The following SPTBN1 variants were observed in gnomAD, a reference collection of about 807,000 sequenced individuals.
The protein encoded by SPTBN1 is spectrin beta, non-erythrocytic 1.
Under a neutral mutation model 266.4 loss-of-function variants are expected in SPTBN1, and 32 were observed. That is an observed-to-expected ratio of 0.12 (90% CI 0.09 to 0.16). SPTBN1 has a LOEUF of 0.16. Ranked by LOEUF, SPTBN1 falls within the 10% of genes least tolerant of loss-of-function variation. SPTBN1 has a pLI of 1.00. For missense variants in SPTBN1, 2,296 were observed against 3,067.1 expected (o/e 0.75, Z 5.94); for synonymous variants, 1,336 against 1,162.2 (o/e 1.15, Z -3.04).
chr2:54,662,618 C>G (rs1378848274), intron 32 of SPTBN1: 1 of 152,340 alleles, frequency 6.6e-6, no homozygotes, highest in Middle Eastern at 3.2e-3. Context: ...TCTCTCTGGA[C>G]TCACACCTGG....
At chr2:54,623,376 C>A in intron 9 of SPTBN1, 103 bp from the exon 10 acceptor site, 1 of 965,906 alleles carries the variant, frequency 1.0e-6, no homozygotes, top group Non-Finnish European at 1.6e-6. Context: ...CTTTGACATG[C>A]ATTTCATGTA....
rs988440885 is a variant in SPTBN1, at chr2:54,554,343, C to T, written c.148+27777C>T. On this transcript the variant is annotated intron_variant, in intron 2 of 35. Coordinates refer to ENST00000356805, the MANE Select transcript of SPTBN1 (RefSeq NM_003128.3). This position sits in a 1 kb window ranked among gnomAD's most constrained non-coding sequence, Gnocchi z 4.5. Reference sequence around the variant, plus strand: ...GGCAAGGCACTGTATTTCTGTGAACCTCAGCTACCTTGGTTGCAAAATGGT... The same window carrying T: ...GGCAAGGCACTGTATTTCTGTGAACTTCAGCTACCTTGGTTGCAAAATGGT... Among the ~76,000 whole-genome samples the T allele has an allele frequency of 6.6e-6, 1 of 152,186 alleles. No homozygotes were observed. The highest frequency in any genetic ancestry group is 2.4e-5 in the African/African-American group (1 of 41,434).
chr2:54,661,163 TAAAG>T, intron 32 of SPTBN1: 2 of 985,490 alleles, frequency 2.0e-6, no homozygotes, highest in Non-Finnish European at 2.4e-6. Context: ...AATTCTCTGA[TAAAG>T]GAAGCTTTTA....
chr2:54,591,202 C>T (rs374801886), intron 2 of SPTBN1, among the ~76,000 whole-genome samples: 1 of 152,138 alleles, frequency 6.6e-6, no homozygotes, highest in African/African-American at 2.4e-5. Context: ...AAAGTATGCA[C>T]TTTGTAATAT....
At chr2:54,484,801 A>G (rs1302126558) in intron 1 of SPTBN1, among the ~76,000 whole-genome samples, 1 of 152,180 alleles carries the variant, frequency 6.6e-6, no homozygotes, top group Admixed American at 6.5e-5. Context: ...GAAAGGCGCA[A>G]TGTGGCTCAT....
chr2:54,552,844 G>A (rs765286523), intron 2 of SPTBN1, among the ~76,000 whole-genome samples: 6 of 152,240 alleles, frequency 3.9e-5, no homozygotes, highest in Non-Finnish European at 5.9e-5. Context: ...TCTGTAAGTT[G>A]AGAAGTGGTC....
At chr2:54,632,820 C>G in intron 17 of SPTBN1, 52 bp downstream of exon 17, 1 of 1,587,796 alleles carries the variant, frequency 6.3e-7, no homozygotes, top group South Asian at 1.1e-5. Context: ...GGCTCTCAAA[C>G]TTCTGAATCA....
intron 32 of SPTBN1, chr2:54,662,397 T>G (rs776463353): frequency 3.3e-5 from 31 of 933,676 alleles, no homozygotes; most frequent in Non-Finnish European, 3.8e-5. Context: ...TCCTTCTAAC[T>G]CTAAAGAAAA....
intron 7 of SPTBN1, among the ~76,000 whole-genome samples, chr2:54,619,360 A>C (rs1677845018): frequency 2.0e-5 from 3 of 152,232 alleles, no homozygotes; most frequent in Non-Finnish European, 2.9e-5. Context: ...CTATCTTACT[A>C]TGGGAAGGAA....
At chr2:54,528,472 C>G (rs1264176896) in intron 2 of SPTBN1, 2 of 152,508 alleles carry the variant, frequency 1.3e-5, no homozygotes, top group African/African-American at 4.8e-5. Context: ...ATAGCAAGCA[C>G]TCAATATAGT....
intron 1 of SPTBN1, among the ~76,000 whole-genome samples, chr2:54,473,422 A>C (rs558002019): frequency 1.4e-4 from 21 of 152,282 alleles, no homozygotes; most frequent in African/African-American, 5.1e-4. Flanking sequence ...CATGTTGGAA[A>C]ATTTCTTTAT....
Position 54,653,778 on chromosome 2 carries a change from T to G in SPTBN1, c.5747T>G (p.Phe1916Cys), listed in dbSNP as rs1383452806. The G allele has an allele frequency of 6.2e-7, 1 of 1,614,228 alleles. No individual in the cohort carries two copies. Among genetic ancestry groups the G allele is most frequent in the Non-Finnish European group, 8.5e-7 (1 of 1,180,042 alleles). Reference sequence around the variant, plus strand: ...GTGGACACAGGGGACAAGTTCCGCTTCTTCAGCATGGTGCGCGACCTCATG... The same window carrying G: ...GTGGACACAGGGGACAAGTTCCGCTGCTTCAGCATGGTGCGCGACCTCATG... ...RLVDTGDKFR[F>C]FSMVRDLMLW... is the part of the protein sequence containing the mutation. Residue 1916 changes from phenylalanine to cysteine, a missense_variant, in exon 27 of 36, where the codon TTC becomes TGC. Phe to Cys is a radical substitution (Grantham distance 205). Coordinates refer to ENST00000356805, the MANE Select transcript of SPTBN1 (RefSeq NM_003128.3). This position sits in a 1 kb window ranked among gnomAD's most constrained non-coding sequence, Gnocchi z 5.1.
At chr2:54,607,976 G>C (rs1676960657) in intron 3 of SPTBN1, among the ~76,000 whole-genome samples, 1 of 152,210 alleles carries the variant, frequency 6.6e-6, no homozygotes, top group Non-Finnish European at 1.5e-5. Context: ...TTTCCGTACA[G>C]CACATAGCTG....
chr2:54,466,609 T>G (rs945751218), intron 1 of SPTBN1, among the ~76,000 whole-genome samples: 1 of 124,692 alleles, frequency 8.0e-6, no homozygotes, highest in Non-Finnish European at 1.9e-5. Flanking sequence ...AAAAAAAAAG[T>G]ATGTTTATTC....
chr2:54,581,447 T>C (rs1432042913), intron 2 of SPTBN1, among the ~76,000 whole-genome samples: 1 of 152,228 alleles, frequency 6.6e-6, no homozygotes, highest in Admixed American at 6.5e-5. Context: ...CATTTGCTGC[T>C]GCTTTCCAGG....
At chr2:54,583,750 A>G (rs952986844) in intron 2 of SPTBN1, among the ~76,000 whole-genome samples, 2 of 152,198 alleles carry the variant, frequency 1.3e-5, no homozygotes, top group Admixed American at 1.3e-4. Flanking sequence ...TAGCATATTC[A>G]TTGAAGGCAG....
chr2:54,574,487 G>C (rs558993329), intron 2 of SPTBN1, among the ~76,000 whole-genome samples: 1 of 152,302 alleles, frequency 6.6e-6, no homozygotes, highest in Admixed American at 6.5e-5. Flanking sequence ...CTTAGCCCTA[G>C]CTGCGCAGAA....
At position 54,631,512 on chromosome 2, in the gene SPTBN1, C is replaced by G. The variant is rs770740262; in HGVS notation, c.3465C>G (p.His1155Gln). Residue 1155 changes from histidine to glutamine, a missense_variant, in exon 16 of 36, where the codon CAC becomes CAG. Physicochemically the swap from His to Gln is conservative, Grantham distance 24. This residue lies in a region of SPTBN1 where 386 missense variants were observed against 486.1 expected (regional missense o/e 0.79). Transcript: ENST00000356805. ...QALDTGWNEL[H>Q]KMWENRQNLL... ...TGGACACTGGATGGAACGAGCTCCA[C>G]AAGATGTGGGAGAACAGACAAAATC... 1 of 1,614,204 alleles carries G rather than the reference C, an allele frequency of 6.2e-7. No homozygotes were observed. Among genetic ancestry groups the G allele is most frequent in the Admixed American group, 1.7e-5 (1 of 60,032 alleles).
chr2:54,649,425 T>A lies in SPTBN1; in HGVS notation c.5203-190T>A. The A allele has an allele frequency of 9.8e-7, 1 of 1,021,410 alleles. No homozygotes were observed. Among genetic ancestry groups the A allele is most frequent in the South Asian group, 1.8e-5 (1 of 56,892 alleles). 63.3% of individuals were successfully genotyped at this position (1,021,410 alleles called of 1,614,324 possible). A position where few individuals can be genotyped will look rare whatever the true frequency, so the allele number is the denominator to read the frequency against. ...AGGAGGTGGAGGTAGTGCCTCACTC[T>A]GCTGCAGTGAGCAAGAAAGGAAACC... On this transcript the variant is annotated intron_variant, in intron 25 of 35. Transcript: ENST00000356805. This position sits in a 1 kb window ranked among gnomAD's most constrained non-coding sequence, Gnocchi z 6.7.
Sources: allele counts gnomAD v4.1 joint callset (sites outside exome capture counted in the v4.1 genomes callset), GRCh38; gene constraint gnomAD v4.1.1; regional missense constraint gnomAD v4.1.1; non-coding constraint Gnocchi (gnomAD v3.1); transcripts MANE v1.5; gene names NCBI Gene and HGNC (gene_info 2026-07-23, HGNC 2026-07-21).